The following SUSD4 variants were observed in gnomAD, a reference collection of about 807,000 sequenced individuals.
SUSD4 encodes sushi domain-containing protein 4.
In SUSD4, 41 loss-of-function variants were observed where a neutral mutation model predicts 50.5. The observed-to-expected ratio is 0.81, with a 90% confidence interval of 0.63 to 1.05. The LOEUF is 1.05. SUSD4 is among the 50% of genes least tolerant of loss of function. The pLI, the probability that SUSD4 is intolerant of heterozygous loss-of-function variation, is 0.00. For missense variants in SUSD4, 580 were observed against 634.7 expected, an observed-to-expected ratio of 0.91 and a Z score of 0.93; for synonymous variants, 257 against 257.3, an observed-to-expected ratio of 1.00 and a Z score of 0.01.
At chr1:223,308,595 G>A (rs1305854873) in intron 2 of SUSD4, among the ~76,000 whole-genome samples, 1 of 152,142 alleles carries the variant, frequency 6.6e-6, no homozygotes, top group African/African-American at 2.4e-5. Flanking sequence ...AAACTGTTCA[G>A]GAATAACAAA....
In SUSD4 at chr1:223,231,307, T is replaced by C. The variant is rs1455329957; in HGVS notation, c.725-1919A>G. On this transcript the variant is annotated intron_variant, in intron 5 of 8. Transcript: ENST00000366878. This position sits in a 1 kb window ranked among gnomAD's most constrained non-coding sequence, Gnocchi z 4.2. ...CAGGGTCTGCGGTGGACAGCCTGTC[T>C]AGATCTGGTGCAGTGCAGGGAAGGT... is the stretch of plus-strand genomic sequence containing the variant. 1.3e-5 allele frequency among the ~76,000 whole-genome samples: 2 copies of C among 152,004 alleles called. No individual in the cohort carries two copies. The highest frequency in any genetic ancestry group is 2.9e-5 in the Non-Finnish European group (2 of 67,986).
rs985191546 is a variant in SUSD4 at position 223,227,966 on chromosome 1, C to T, written c.917-228G>A. On this transcript the variant is annotated intron_variant, in intron 6 of 8. Coordinates refer to ENST00000366878, the MANE Select transcript of SUSD4 (RefSeq NM_017982.4). This position sits in a 1 kb window ranked among gnomAD's most constrained non-coding sequence, Gnocchi z 4.5. ...CTCCAGCATGGGCTCTGCCAGGTTG[C>T]AGACCTGCATGCTCACATTCCAGTC... 6.6e-6 allele frequency among the ~76,000 whole-genome samples: 1 copy of T among 152,226 alleles called. No individual in the cohort carries two copies. Among genetic ancestry groups the T allele is most frequent in the South Asian group, 2.1e-4 (1 of 4,830 alleles).
intron 2 of SUSD4, among the ~76,000 whole-genome samples, chr1:223,360,739 T>C (rs1236396407): frequency 6.6e-6 from 1 of 152,182 alleles, no homozygotes; most frequent in Non-Finnish European, 1.5e-5. Context: ...TCCTTTTCCA[T>C]TGAAAGCAAT....
chr1:223,299,639 G>A (rs1477969381), intron 2 of SUSD4, among the ~76,000 whole-genome samples: 1 of 152,174 alleles, frequency 6.6e-6, no homozygotes, highest in Admixed American at 6.5e-5. Flanking sequence ...GTATGTGTGA[G>A]GGTGTTTCTG....
At chr1:223,364,258 C>A (rs1181068584), upstream of SUSD4, 3 of 147,706 alleles carry the variant, frequency 2.0e-5, no homozygotes, top group African/African-American at 7.4e-5. The surrounding 1 kb of genome is among the most constrained non-coding windows in gnomAD (Gnocchi z 4.5). Context: ...TGGGGGAGGA[C>A]GGGAGCCCGG....
intron 5 of SUSD4, among the ~76,000 whole-genome samples, chr1:223,236,210 T>G (rs553958131): frequency 6.6e-6 from 1 of 152,356 alleles, no homozygotes; most frequent in South Asian, 2.1e-4. Context: ...GTGTTCTTGT[T>G]GTAGACTTTT....
upstream of SUSD4, among the ~76,000 whole-genome samples, chr1:223,364,608 G>A (rs1455722736): frequency 6.6e-6 from 1 of 150,846 alleles, no homozygotes. This position sits in a 1 kb window ranked among gnomAD's most constrained non-coding sequence, Gnocchi z 4.5. Flanking sequence ...TGCAGCCCCT[G>A]CCCCGGCTGC....
intron 2 of SUSD4, among the ~76,000 whole-genome samples, chr1:223,299,896 T>C (rs1665072584): frequency 6.6e-6 from 1 of 152,140 alleles, no homozygotes; most frequent in Non-Finnish European, 1.5e-5. Context: ...GGAACTATAC[T>C]ACTGGCTCTC....
intron 2 of SUSD4, among the ~76,000 whole-genome samples, chr1:223,306,460 T>G (rs571070888): frequency 6.6e-6 from 1 of 152,322 alleles, no homozygotes; most frequent in South Asian, 2.1e-4. Flanking sequence ...GTTTTAAGAT[T>G]ATCAATTGTC....
At chr1:223,286,664 G>A (rs1392712286) in intron 3 of SUSD4, among the ~76,000 whole-genome samples, 2 of 152,224 alleles carry the variant, frequency 1.3e-5, no homozygotes, top group Non-Finnish European at 2.9e-5. Flanking sequence ...AAGAAGACAG[G>A]CAAGGAAAAT....
At chr1:223,352,561 T>C (rs2102579545) in intron 2 of SUSD4, among the ~76,000 whole-genome samples, 1 of 152,190 alleles carries the variant, frequency 6.6e-6, no homozygotes, top group South Asian at 2.1e-4. Flanking sequence ...CAAGGTACTC[T>C]TGGCAGGCTA....
At chr1:223,252,219 TAAAAAAAAAAAAA>T (rs68004270) in intron 5 of SUSD4, among the ~76,000 whole-genome samples, 2 of 129,084 alleles carry the variant, frequency 1.5e-5, no homozygotes, top group African/African-American at 6.1e-5. Context: ...AAAGTATAAT[TAAAAAAAAAAAAA>T]AAAAATATAT....
At chr1:223,340,643 T>A (rs979492260) in intron 2 of SUSD4, among the ~76,000 whole-genome samples, 1 of 152,136 alleles carries the variant, frequency 6.6e-6, no homozygotes, top group Admixed American at 6.5e-5. Flanking sequence ...GGAGCTGGGT[T>A]TAGAGGCTCC....
rs553138878 is a variant in SUSD4 at position 223,264,017 on chromosome 1, C to T, written c.724+613G>A. On this transcript the variant is annotated intron_variant, in intron 5 of 8. Transcript: ENST00000366878. ...AGCTGAACCAGCATGTCCAACTTGC[C>T]TAGCAGAAGTGTTTACAGGCTTTTC... 9.0e-5 allele frequency: 89 copies of T among 985,438 alleles called. No homozygotes were observed. The African/African-American group carries it at 1.4e-3, about 16-fold the overall frequency. The allele number at this position is 985,438 out of a possible 1,614,324, so 61.0% of individuals were successfully genotyped here. A position where few individuals can be genotyped will look rare whatever the true frequency, so the allele number is the denominator to read the frequency against.
intron 2 of SUSD4, among the ~76,000 whole-genome samples, chr1:223,333,478 TGA>T (rs1667289780): frequency 6.6e-6 from 1 of 152,104 alleles, no homozygotes; most frequent in Non-Finnish European, 1.5e-5. Flanking sequence ...ATTGAACATG[TGA>T]TCATTTTTCT....
At chr1:223,311,226 C>A (rs971422035) in intron 2 of SUSD4, among the ~76,000 whole-genome samples, 1 of 152,132 alleles carries the variant, frequency 6.6e-6, no homozygotes, top group African/African-American at 2.4e-5. Context: ...ACTTAATTTC[C>A]GAAACACTGT....
chr1:223,358,349 A>T (rs1000078720), intron 2 of SUSD4, among the ~76,000 whole-genome samples: 2 of 152,158 alleles, frequency 1.3e-5, no homozygotes, highest in African/African-American at 4.8e-5. Flanking sequence ...AATATTAGTG[A>T]TATGAAAGGA....
rs1659716991 is a variant in SUSD4 at position 223,229,094 on chromosome 1, G to A, written c.916+103C>T. 8.4e-7 allele frequency: 1 copy of A among 1,186,512 alleles called. No individual in the cohort carries two copies. The highest frequency in any genetic ancestry group is 1.2e-6 in the Non-Finnish European group (1 of 842,056). 73.5% of individuals were successfully genotyped at this position (1,186,512 alleles called of 1,614,324 possible). A position where few individuals can be genotyped will look rare whatever the true frequency, so the allele number is the denominator to read the frequency against. Reference sequence around the variant, plus strand: ...TTTCGATATCCTGTTCCTGACACTGGGTGGGGGAGGAGAGATACAGCTTGG... The same window carrying A: ...TTTCGATATCCTGTTCCTGACACTGAGTGGGGGAGGAGAGATACAGCTTGG... On this transcript the variant is annotated intron_variant, in intron 6 of 8. Transcript: ENST00000366878. The surrounding 1 kb of genome is among the most constrained non-coding windows in gnomAD (Gnocchi z 4.7).
intron 2 of SUSD4, 122 bp downstream of exon 2, chr1:223,363,156 C>A: frequency 8.3e-7 from 1 of 1,198,194 alleles, no homozygotes; most frequent in Non-Finnish European, 1.1e-6. Context: ...GGCACCCTCG[C>A]GTTGTCAGAT....
Sources: gnomAD v4.1 joint callset for allele counts (sites outside exome capture counted in the v4.1 genomes callset) on GRCh38, gnomAD v4.1.1 for gene constraint, Gnocchi (gnomAD v3.1) non-coding constraint, MANE v1.5 for transcripts, NCBI Gene and HGNC (gene_info 2026-07-23, HGNC 2026-07-21) for gene names.